Variants in NSUN7 observed in about 807,000 individuals in gnomAD.
NSUN7 encodes NOP2/Sun RNA methyltransferase family member 7, also known as protein NSUN7.
A neutral mutation model predicts 58.5 loss-of-function variants in NSUN7; 39 were observed. That is an observed-to-expected ratio of 0.67 (90% confidence interval 0.52 to 0.87). The LOEUF is 0.87. Among genes scored for constraint, NSUN7 ranks in the 40% least tolerant of loss-of-function variants. The probability of loss-of-function intolerance (pLI) is 0.00; values close to 1 mark genes in which losing one functional copy is unlikely to be tolerated. For synonymous variants in NSUN7, 278 were observed against 303.7 expected (o/e 0.92, Z 0.88); for missense variants, 765 against 844.1 (o/e 0.91, Z 1.16).
chr4:40,798,089 C>T (rs1001442983), intron 9 of NSUN7, among the ~76,000 whole-genome samples: 1 of 152,192 alleles, frequency 6.6e-6, no homozygotes, highest in African/African-American at 2.4e-5. Context: ...ACTATTTCTC[C>T]TGGAACTCTC....
chr4:40,757,511 A>C (rs1287948478), intron 2 of NSUN7, among the ~76,000 whole-genome samples: 1 of 148,772 alleles, frequency 6.7e-6, no homozygotes, highest in Non-Finnish European at 1.5e-5. Context: ...ATTCATGTTG[A>C]TATTACTATG....
chr4:40,752,752 T>A (rs1220442763), intron 2 of NSUN7, among the ~76,000 whole-genome samples: 4 of 14,800 alleles, frequency 2.7e-4, no homozygotes, highest in African/African-American at 1.6e-3. Flanking sequence ...TAAAAAAAAA[T>A]GCTCAGTTGA....
intron 4 of NSUN7, among the ~76,000 whole-genome samples, chr4:40,767,061 G>GT (rs1261141530): frequency 3.3e-5 from 5 of 150,414 alleles, no homozygotes; most frequent in African/African-American, 9.8e-5. Flanking sequence ...TTTTTGAAGG[G>GT]TTTTTTGTGT....
At chr4:40,765,083 A>C (rs1193231006) in intron 4 of NSUN7, among the ~76,000 whole-genome samples, 34 of 144,000 alleles carry the variant, frequency 2.4e-4, no homozygotes, top group Admixed American at 4.2e-4. Context: ...TCTTTAGTTT[A>C]ATTAGATCCC....
chr4:40,763,291 G>A (rs182172964), intron 4 of NSUN7, among the ~76,000 whole-genome samples: 72 of 152,314 alleles, frequency 4.7e-4, no homozygotes, highest in Non-Finnish European at 9.4e-4. Flanking sequence ...TACTCTCTGT[G>A]TTAAATAAGT....
chr4:40,808,244 A>G, intron 11 of NSUN7, 63 bp from the exon 12 acceptor site: 3 of 1,501,848 alleles, frequency 2.0e-6, no homozygotes, highest in Non-Finnish European at 2.7e-6. Context: ...ACATTGATAA[A>G]TATTTGCGGG....
In NSUN7 at chr4:40,750,914, C is replaced by T. The variant is rs746888195; in HGVS notation, c.221C>T (p.Pro74Leu). Residue 74 changes from proline to leucine, a missense_variant, in exon 2 of 12, where the codon CCC becomes CTC. Physicochemically the swap from Pro to Leu is moderately conservative, Grantham distance 98. Transcript: ENST00000381782. Reference protein sequence around the residue: ...QKVLIKYGNEPLRSLSESEDQ... With the variant: ...QKVLIKYGNELLRSLSESEDQ... ...GTCTTAATCAAGTATGGGAATGAAC[C>T]CCTGCGGTCCTTGTCCGAGTCTGAG... is the stretch of plus-strand genomic sequence containing the variant. 6.2e-7 allele frequency: 1 copy of T among 1,614,162 alleles called. No individual in the cohort carries two copies. Among genetic ancestry groups the T allele is most frequent in the East Asian group, 2.2e-5 (1 of 44,880 alleles).
chr4:40,786,766 G>A, intron 7 of NSUN7: 1 of 1,478,426 alleles, frequency 6.8e-7, no homozygotes, highest in Non-Finnish European at 9.1e-7. Flanking sequence ...GTCTGATTTT[G>A]ACAAATAGAA....
intron 3 of NSUN7, 98 bp downstream of exon 3, chr4:40,760,590 C>T (rs1741402916): frequency 1.1e-6 from 1 of 924,990 alleles, no homozygotes; most frequent in Admixed American, 2.5e-5. Context: ...AGGCCGGGCG[C>T]AGTGGCTCAC....
At position 40,808,926 on chromosome 4, in the gene NSUN7, G is replaced by A. The variant is rs1344284208; in HGVS notation, c.2144G>A (p.Arg715Gln). The A allele has an allele frequency of 5.9e-6, 9 of 1,521,104 alleles. 1 individual carries two copies. Among genetic ancestry groups the A allele is most frequent in the Admixed American group, 2.1e-5 (1 of 48,188 alleles). The allele number at this position is 1,521,104 out of a possible 1,614,324, so 94.2% of individuals were successfully genotyped here. A position where few individuals can be genotyped will look rare whatever the true frequency, so the allele number is the denominator to read the frequency against. ...DTPSSLLRPP[R>Q]RWL ...CCTTCCTCCCTACTCAGGCCTCCTCGGCGATGGCTTTGATTGTCTTGTGTT... is the reference window on the plus strand; with the variant it reads ...CCTTCCTCCCTACTCAGGCCTCCTCAGCGATGGCTTTGATTGTCTTGTGTT... The change falls in exon 12 of 12, where the codon CGG (arginine) becomes CAG (glutamine). Residue 715 changes from arginine to glutamine, a missense_variant. Physicochemically the swap from Arg to Gln is conservative, Grantham distance 43. Coordinates refer to ENST00000381782, the MANE Select transcript of NSUN7 (RefSeq NM_024677.6).
intron 7 of NSUN7, among the ~76,000 whole-genome samples, chr4:40,777,610 C>A (rs937216340): frequency 1.3e-5 from 2 of 152,192 alleles, no homozygotes; most frequent in Non-Finnish European, 2.9e-5. Flanking sequence ...GCCACCGCAC[C>A]CGGCCTGTAT....
rs1169480410 is a variant in NSUN7 at position 40,810,185 on chromosome 4, TCTTA to T, written c.*1250_*1253del. 6.6e-6 allele frequency: 1 copy of T among 152,236 alleles called. No individual in the cohort carries two copies. The highest frequency in any genetic ancestry group is 1.5e-5 in the Non-Finnish European group (1 of 68,036). 9.4% of individuals were successfully genotyped at this position (152,236 alleles called of 1,614,324 possible). On this transcript the variant is annotated 3_prime_UTR_variant, in exon 12 of 12. Transcript: ENST00000381782. ...CAGCTCTGATATTCTATTTTTACTTTCTTACTTGAAGTGAGAAAAGAGAATGGTG... is the reference window on the plus strand; with the variant it reads ...CAGCTCTGATATTCTATTTTTACTTTCTTGAAGTGAGAAAAGAGAATGGTG...
intron 9 of NSUN7, among the ~76,000 whole-genome samples, chr4:40,797,515 G>A (rs1038715458): frequency 3.9e-5 from 6 of 152,058 alleles, no homozygotes; most frequent in Non-Finnish European, 8.8e-5. Context: ...CCTTCCACCC[G>A]CTTAGGCTAA....
intron 9 of NSUN7, among the ~76,000 whole-genome samples, chr4:40,797,828 A>G (rs1333605673): frequency 6.6e-6 from 1 of 152,184 alleles, no homozygotes; most frequent in Non-Finnish European, 1.5e-5. Flanking sequence ...TCCCTGTACT[A>G]TCTGGGGCTC....
intron 7 of NSUN7, among the ~76,000 whole-genome samples, chr4:40,776,877 A>G (rs1432754771): frequency 1.3e-5 from 2 of 152,240 alleles, no homozygotes; most frequent in Non-Finnish European, 2.9e-5. Context: ...GGGCATCCCA[A>G]AGTCCTGAGA....
intron 4 of NSUN7, chr4:40,773,303 G>A (rs1742099526): frequency 6.6e-6 from 1 of 152,204 alleles, no homozygotes; most frequent in Admixed American, 6.5e-5. Flanking sequence ...TAACATTCCT[G>A]AGGTTACACA....
chr4:40,798,399 G>C (rs1404624359), intron 9 of NSUN7, among the ~76,000 whole-genome samples: 1 of 152,218 alleles, frequency 6.6e-6, no homozygotes, highest in Non-Finnish European at 1.5e-5. Context: ...AGCAGTAAGT[G>C]ACAGAACTGG....
rs563200843 is a variant in NSUN7 at position 40,759,706 on chromosome 4, A to G, written c.299-728A>G. On this transcript the variant is annotated intron_variant, in intron 2 of 11. Coordinates refer to ENST00000381782, the MANE Select transcript of NSUN7 (RefSeq NM_024677.6). Reference sequence around the variant, plus strand: ...TTACAAGAAAAGAAAATTATAGACCAACATCCCTCATGAACATGAACATAC... The same window carrying G: ...TTACAAGAAAAGAAAATTATAGACCGACATCCCTCATGAACATGAACATAC... Among the ~76,000 whole-genome samples, 2 of 152,346 alleles carry G rather than the reference A, an allele frequency of 1.3e-5. 1 individual carries two copies. Among genetic ancestry groups the G allele is most frequent in the African/African-American group, 4.8e-5 (2 of 41,594 alleles).
intron 7 of NSUN7, among the ~76,000 whole-genome samples, chr4:40,778,704 C>T (rs1742384483): frequency 1.3e-5 from 2 of 152,286 alleles, no homozygotes; most frequent in Middle Eastern, 3.4e-3. Context: ...GCAGCCCAAA[C>T]AGACTAAGGT....
Sources: gnomAD v4.1 joint callset for allele counts (sites outside exome capture counted in the v4.1 genomes callset) on GRCh38, gnomAD v4.1.1 for gene constraint, MANE v1.5 for transcripts, NCBI Gene and HGNC (gene_info 2026-07-23, HGNC 2026-07-21) for gene names.